Variants in CCDC149 observed in about 807,000 individuals in gnomAD.
CCDC149 encodes coiled-coil domain containing 149.
Under a neutral mutation model 59.9 loss-of-function variants are expected in CCDC149, and 45 were observed. That is an observed-to-expected ratio of 0.75 (90% CI 0.59 to 0.96). The LOEUF (loss-of-function observed/expected upper bound fraction) is 0.96, where lower values mean the gene tolerates loss of function less well. Ranked by LOEUF, CCDC149 falls within the 40% of genes least tolerant of loss-of-function variation. The probability of loss-of-function intolerance (pLI) is 0.00; values close to 1 mark genes in which losing one functional copy is unlikely to be tolerated. For synonymous variants in CCDC149, 245 were observed against 260.6 expected (o/e 0.94, Z 0.58); for missense variants, 584 against 664.7 (o/e 0.88, Z 1.33).
chr4:24,831,717 T>G (rs1218949507), intron 8 of CCDC149, 67 bp from the exon 9 acceptor site: 1 of 1,432,950 alleles, frequency 7.0e-7, no homozygotes, highest in African/African-American at 1.4e-5. Context: ...CAAACCAATG[T>G]CAATCCTTCT....
chr4:24,977,160 G>A lies in CCDC149; in HGVS notation c.-65+2909C>T, dbSNP rs192313929. On this transcript the variant is annotated intron_variant, in intron 1 of 12. Transcript: ENST00000389609. ...TGGGGTGGACATGGGACTTAGTGAC[G>A]ATGTACAATGACTGGTTCATGGATG... Among the ~76,000 whole-genome samples the A allele has an allele frequency of 2.1e-4, 32 of 152,184 alleles. 1 individual carries two copies. The East Asian group carries it at 4.8e-3, about 23-fold the overall frequency.
chr4:24,871,525 G>T (rs1244142233), intron 3 of CCDC149, among the ~76,000 whole-genome samples: 1 of 152,176 alleles, frequency 6.6e-6, no homozygotes, highest in Non-Finnish European at 1.5e-5. Context: ...TCCATAAAAA[G>T]CCGTCATTTA....
At chr4:24,884,822 T>A (rs1720060613) in intron 1 of CCDC149, among the ~76,000 whole-genome samples, 2 of 152,232 alleles carry the variant, frequency 1.3e-5, no homozygotes, top group Admixed American at 6.5e-5. Flanking sequence ...ATGTTAATGA[T>A]CATTACTACT....
At chr4:24,853,044 G>A (rs752946462) in intron 4 of CCDC149, 28 bp downstream of exon 4, 2 of 1,416,776 alleles carry the variant, frequency 1.4e-6, no homozygotes, top group East Asian at 2.3e-5. Context: ...TTGCAGCAGA[G>A]CTTCTTCCCT....
At chr4:24,948,513 C>G (rs919933685) in intron 1 of CCDC149, among the ~76,000 whole-genome samples, 2 of 152,188 alleles carry the variant, frequency 1.3e-5, no homozygotes, top group Non-Finnish European at 2.9e-5. Flanking sequence ...TTATTAAACT[C>G]CCTTGCCGGC....
At chr4:24,885,548 T>G (rs1051209699) in intron 1 of CCDC149, among the ~76,000 whole-genome samples, 3 of 152,222 alleles carry the variant, frequency 2.0e-5, no homozygotes, top group Non-Finnish European at 2.9e-5. Flanking sequence ...GCCTCCGCCG[T>G]GACGGCTGGT....
chr4:24,827,515 G>A (rs1201456295), intron 9 of CCDC149: 4 of 152,286 alleles, frequency 2.6e-5, no homozygotes, highest in Non-Finnish European at 5.9e-5. Context: ...ATGGGCCTGG[G>A]GGGAAGGTCT....
intron 12 of CCDC149, among the ~76,000 whole-genome samples, chr4:24,818,667 G>A (rs147615350): frequency 6.6e-6 from 1 of 152,302 alleles, no homozygotes; most frequent in Non-Finnish European, 1.5e-5. Flanking sequence ...CTGATGGCTG[G>A]AGGCCTCAGC....
At chr4:24,916,565 T>G (rs1722125031), upstream of CCDC149, among the ~76,000 whole-genome samples, 1 of 152,152 alleles carries the variant, frequency 6.6e-6, no homozygotes, top group African/African-American at 2.4e-5. Context: ...AGACAGTATT[T>G]CAGTTCAAAT....
At chr4:24,884,584 G>T (rs974847957) in intron 1 of CCDC149, among the ~76,000 whole-genome samples, 1 of 152,146 alleles carries the variant, frequency 6.6e-6, no homozygotes, top group Admixed American at 6.5e-5. Flanking sequence ...TCCCAGAAAA[G>T]AAAGAAAAGC....
At position 24,876,538 on chromosome 4, in the gene CCDC149, T is replaced by C. The variant is rs1166786166; in HGVS notation, c.223A>G (p.Ile75Val). The C allele has an allele frequency of 3.7e-6, 6 of 1,612,882 alleles. No homozygotes were observed. The highest frequency in any genetic ancestry group is 5.1e-6 in the Non-Finnish European group (6 of 1,179,156). Residue 75 changes from isoleucine to valine, a missense_variant and splice_region_variant, in exon 2 of 13, where the codon ATT becomes GTT. Ile to Val is a conservative substitution (Grantham distance 29). Coordinates refer to ENST00000635206, the MANE Select transcript of CCDC149 (RefSeq NM_001330643.2). The stretch of plus-strand genomic sequence containing the variant: ...GAACAGGGCAGCCTAACACTTACAA[T>C]CAGCTCTCGGTACTTCTTCTTCAGT...
Position 24,923,398 on chromosome 4 carries a change from A to C in CCDC149, c.-64-28280T>G, listed in dbSNP as rs533250811. 1.4e-4 allele frequency among the ~76,000 whole-genome samples: 21 copies of C among 152,350 alleles called. 1 individual carries two copies. The South Asian group carries it at 3.9e-3, about 29-fold the overall frequency. On this transcript the variant is annotated intron_variant, in intron 1 of 12. Coordinates refer to the CCDC149 transcript ENST00000389609. ...CAAGAAGGACATAAACTTTATCCAC[A>C]TGATGTCTATAGTATAGTGGGGAAG...
intron 10 of CCDC149, among the ~76,000 whole-genome samples, chr4:24,822,135 A>G (rs1715443814): frequency 6.6e-6 from 1 of 152,212 alleles, no homozygotes; most frequent in Non-Finnish European, 1.5e-5. Flanking sequence ...AATTGAACAA[A>G]TTGAATGGAT....
At chr4:24,941,924 A>G (rs1722966258) in intron 1 of CCDC149, among the ~76,000 whole-genome samples, 1 of 152,236 alleles carries the variant, frequency 6.6e-6, no homozygotes, top group Admixed American at 6.5e-5. Flanking sequence ...AACCAAAAAA[A>G]GTCCAGGACC....
intron 1 of CCDC149, among the ~76,000 whole-genome samples, chr4:24,927,464 C>T (rs1049935056): frequency 1.3e-5 from 2 of 152,180 alleles, no homozygotes; most frequent in African/African-American, 4.8e-5. Context: ...TTATTTGCAT[C>T]CAAAAACATG....
chr4:24,942,090 CA>C (rs1050973410), intron 1 of CCDC149, among the ~76,000 whole-genome samples: 2 of 152,072 alleles, frequency 1.3e-5, no homozygotes, highest in African/African-American at 4.8e-5. Flanking sequence ...AGAGATACAA[CA>C]AAAAAAGAGA....
At chr4:24,883,125 T>G (rs1040154772) in intron 1 of CCDC149, among the ~76,000 whole-genome samples, 4 of 152,088 alleles carry the variant, frequency 2.6e-5, no homozygotes, top group Admixed American at 6.6e-5. Context: ...ACAAGGCTCC[T>G]GACTTCCAGC....
At chr4:24,939,196 C>T (rs1722876134) in intron 1 of CCDC149, among the ~76,000 whole-genome samples, 1 of 152,320 alleles carries the variant, frequency 6.6e-6, no homozygotes, top group Admixed American at 6.5e-5. Context: ...TGAGACAAAA[C>T]TTCCAGAGGA....
At chr4:24,887,764 C>T (rs1720274550) in intron 1 of CCDC149, among the ~76,000 whole-genome samples, 1 of 151,820 alleles carries the variant, frequency 6.6e-6, no homozygotes, top group Non-Finnish European at 1.5e-5. Flanking sequence ...GTCCAGGTAC[C>T]AGTCCCTTTG....
Sources: allele counts gnomAD v4.1 joint callset (sites outside exome capture counted in the v4.1 genomes callset), GRCh38; gene constraint gnomAD v4.1.1; transcripts MANE v1.5; gene names NCBI Gene and HGNC (gene_info 2026-07-23, HGNC 2026-07-21).